The following SLC35F3 variants were observed in gnomAD, a reference collection of about 807,000 sequenced individuals.
The protein encoded by SLC35F3 is solute carrier family 35 member F3.
SLC35F3 carries 25 observed loss-of-function variants against 49.9 expected under a neutral mutation model. The observed-to-expected ratio is 0.50, with a 90% CI of 0.37 to 0.70. The LOEUF is 0.70. Ranked by LOEUF, SLC35F3 falls within the 30% of genes least tolerant of loss-of-function variation. The pLI, the probability that SLC35F3 is intolerant of heterozygous loss-of-function variation, is 0.00. For missense variants in SLC35F3, 525 were observed against 639.8 expected (o/e 0.82, Z 1.94); for synonymous variants, 275 against 265.4 (o/e 1.04, Z -0.35).
intron 2 of SLC35F3, among the ~76,000 whole-genome samples, chr1:234,072,138 C>G (rs1394823273): frequency 2.6e-5 from 4 of 152,220 alleles, no homozygotes; most frequent in African/African-American, 9.7e-5. Flanking sequence ...TTGCTAACTC[C>G]AAGGATTTCT....
At chr1:234,260,631 T>C (rs1044311216) in intron 3 of SLC35F3, among the ~76,000 whole-genome samples, 1 of 152,212 alleles carries the variant, frequency 6.6e-6, no homozygotes, top group Non-Finnish European at 1.5e-5. Context: ...AATTCAGTTA[T>C]CTTAATACTA....
intron 2 of SLC35F3, among the ~76,000 whole-genome samples, chr1:234,028,707 G>A (rs567866248): frequency 6.6e-6 from 1 of 152,316 alleles, no homozygotes; most frequent in South Asian, 2.1e-4. Flanking sequence ...GAGGTAACTG[G>A]CAAAGCTACA....
chr1:234,208,760 G>T (rs1470870484), intron 2 of SLC35F3, among the ~76,000 whole-genome samples: 1 of 152,080 alleles, frequency 6.6e-6, no homozygotes, highest in Non-Finnish European at 1.5e-5. Context: ...CCAGACCTCT[G>T]CTGAGATCAC....
rs558128625 is a variant in SLC35F3, at chr1:234,222,877, A to G, written c.284-8540A>G. ...AGGTCATTAGCAGCACCAAAACATC[A>G]CCAGGTAAACCAACTGGTGTATATG... On this transcript the variant is annotated intron_variant, in intron 2 of 7. Coordinates refer to ENST00000366618, the MANE Select transcript of SLC35F3 (RefSeq NM_173508.4). 2.3e-4 allele frequency among the ~76,000 whole-genome samples: 35 copies of G among 152,334 alleles called. No individual in the cohort carries two copies. The South Asian group carries it at 5.8e-3, about 25-fold the overall frequency.
At chr1:234,296,396 A>T (rs1029288616) in intron 3 of SLC35F3, among the ~76,000 whole-genome samples, 1 of 152,130 alleles carries the variant, frequency 6.6e-6, no homozygotes, top group Non-Finnish European at 1.5e-5. Flanking sequence ...GATTTATTCC[A>T]TGCAATATTT....
At position 234,108,593 on chromosome 1, in the gene SLC35F3, CATATAAAAGATATATATTTAT is replaced by C. The variant is rs1178735015; in HGVS notation, c.284-122806_284-122786del. Among the ~76,000 whole-genome samples the C allele has an allele frequency of 1.6e-4, 13 of 83,788 alleles. No individual in the cohort carries two copies. In the South Asian group the frequency reaches 3.1e-3, roughly 20 times the overall value. The allele number at this position is 83,788 out of a possible 152,430, so 55.0% of individuals were successfully genotyped here. A position where few individuals can be genotyped will look rare whatever the true frequency, so the allele number is the denominator to read the frequency against. On this transcript the variant is annotated intron_variant, in intron 2 of 7. Transcript: ENST00000366618. ...ATTATTTATATATATAAAAGATATA[CATATAAAAGATATATATTTAT>C]ATATAAAAGATATATATATTTATAT...
chr1:233,992,141 G>A (rs1479695385), intron 2 of SLC35F3, among the ~76,000 whole-genome samples: 1 of 152,318 alleles, frequency 6.6e-6, no homozygotes, highest in East Asian at 1.9e-4. Flanking sequence ...ACAAGAATGT[G>A]AGAGGGTGGG....
chr1:234,133,167 T>A (rs900915420), intron 2 of SLC35F3, among the ~76,000 whole-genome samples: 3 of 152,196 alleles, frequency 2.0e-5, no homozygotes, highest in Non-Finnish European at 4.4e-5. Context: ...TTTCAAAGAA[T>A]TACAGCAAAT....
intron 2 of SLC35F3, among the ~76,000 whole-genome samples, chr1:234,178,821 G>C (rs1666515817): frequency 6.6e-6 from 1 of 152,126 alleles, no homozygotes; most frequent in African/African-American, 2.4e-5. Flanking sequence ...GTTCAGTCTT[G>C]ATGTTGTACA....
At chr1:234,146,083 C>T (rs536776699) in intron 2 of SLC35F3, among the ~76,000 whole-genome samples, 28 of 152,098 alleles carry the variant, frequency 1.8e-4, no homozygotes, top group African/African-American at 6.0e-4. Context: ...CTGGTAATTT[C>T]TAGAGGTTTA....
At chr1:233,989,288 G>C (rs1663317271) in intron 2 of SLC35F3, among the ~76,000 whole-genome samples, 2 of 152,130 alleles carry the variant, frequency 1.3e-5, no homozygotes, top group Non-Finnish European at 2.9e-5. Flanking sequence ...TATTTACTAA[G>C]CTTTATAATG....
chr1:234,309,015 T>TAAAA (rs11359233), intron 3 of SLC35F3, 86 bp from the exon 4 acceptor site: 142,261 of 931,732 alleles, frequency 0.15, 4,365 homozygotes, highest in Middle Eastern at 0.2. Context: ...TATATTTGCT[T>TAAAA]AAAAAAAAAA....
chr1:234,147,537 T>C (rs1347266320), intron 2 of SLC35F3, among the ~76,000 whole-genome samples: 1 of 152,206 alleles, frequency 6.6e-6, no homozygotes, highest in Non-Finnish European at 1.5e-5. Flanking sequence ...ATTTATAGCA[T>C]GTGTACTCCT....
intron 2 of SLC35F3, among the ~76,000 whole-genome samples, chr1:234,015,145 A>T (rs570666741): frequency 2.1e-3 from 319 of 152,224 alleles, no homozygotes; most frequent in African/African-American, 7.2e-3. Context: ...CAGGAGTTCG[A>T]GACCAGCCTG....
At chr1:234,101,305 T>C (rs1320866291) in intron 2 of SLC35F3, among the ~76,000 whole-genome samples, 1 of 152,024 alleles carries the variant, frequency 6.6e-6, no homozygotes, top group Non-Finnish European at 1.5e-5. Context: ...CAGTCAATAT[T>C]TTTATTCAAC....
chr1:233,996,916 A>AC (rs11372267), intron 2 of SLC35F3, among the ~76,000 whole-genome samples: 5,417 of 151,786 alleles, frequency 0.036, 299 homozygotes, highest in African/African-American at 0.12. Flanking sequence ...TGACCCTGTG[A>AC]CCCCCCACCC....
At chr1:234,210,016 G>A (rs1322619485) in intron 2 of SLC35F3, among the ~76,000 whole-genome samples, 2 of 152,138 alleles carry the variant, frequency 1.3e-5, no homozygotes, top group East Asian at 3.9e-4. Context: ...ATATGTTGTG[G>A]GAGGGACCCA....
chr1:233,935,274 G>A (rs773352245), intron 2 of SLC35F3, among the ~76,000 whole-genome samples: 4 of 125,182 alleles, frequency 3.2e-5, no homozygotes, highest in Non-Finnish European at 6.3e-5. Context: ...GAACAGAAGA[G>A]ACTGAGCCAT....
Position 234,199,902 on chromosome 1 carries a change from T to C in SLC35F3, c.284-31515T>C, listed in dbSNP as rs78909698. 1.8e-3 allele frequency among the ~76,000 whole-genome samples: 275 copies of C among 152,256 alleles called. 1 individual carries two copies. The highest frequency in any genetic ancestry group is 3.0e-3 in the Non-Finnish European group (203 of 68,002). ...GGTATATGAAAAAATGCTCAACATC[T>C]CTATCAGGTAAATGCAAGTTAAAAC... On this transcript the variant is annotated intron_variant, in intron 2 of 7. Coordinates refer to ENST00000366618, the MANE Select transcript of SLC35F3 (RefSeq NM_173508.4).
Sources: gnomAD v4.1 joint callset for allele counts (sites outside exome capture counted in the v4.1 genomes callset) on GRCh38, gnomAD v4.1.1 for gene constraint, MANE v1.5 for transcripts, NCBI Gene and HGNC (gene_info 2026-07-23, HGNC 2026-07-21) for gene names.